Variants in LMNB1 observed in about 807,000 individuals in gnomAD.
LMNB1 encodes the protein lamin B1.
LMNB1 carries 23 observed loss-of-function variants against 67.1 expected under a neutral mutation model. The observed-to-expected ratio is 0.34, with a 90% confidence interval of 0.25 to 0.49. The LOEUF is 0.49. LMNB1 is among the 20% of genes least tolerant of loss of function. The pLI is 0.99. For synonymous variants in LMNB1, 281 were observed against 282.9 expected (o/e 0.99, Z 0.07); for missense variants, 634 against 746.5 (o/e 0.85, Z 1.76).
chr5:126,795,287 G>T (rs1751058809), intron 1 of LMNB1, among the ~76,000 whole-genome samples: 1 of 151,958 alleles, frequency 6.6e-6, no homozygotes, highest in Non-Finnish European at 1.5e-5. Flanking sequence ...ACAGGCACAG[G>T]CCACTACTCC....
intron 5 of LMNB1, among the ~76,000 whole-genome samples, chr5:126,818,046 A>G (rs895997035): frequency 8.5e-5 from 13 of 152,184 alleles, no homozygotes; most frequent in African/African-American, 3.1e-4. Flanking sequence ...TACTTTACAA[A>G]TCACCCTATA....
intron 1 of LMNB1, among the ~76,000 whole-genome samples, chr5:126,795,933 C>CTTTTTTTTTTTTTTTTTTTTTTTTT (rs70997314): frequency 2.4e-5 from 2 of 82,096 alleles, no homozygotes; most frequent in African/African-American, 9.0e-5. Context: ...GCCCAGGATG[C>CTTTTTTTTTTTTTTTTTTTTTTTTT]TTTTTTTTTT....
chr5:126,805,737 T>C, intron 3 of LMNB1, 41 bp downstream of exon 3: 1 of 1,447,040 alleles, frequency 6.9e-7, no homozygotes, highest in Non-Finnish European at 9.4e-7. Flanking sequence ...AATGGAGGGG[T>C]TCTAGAATGA....
intron 1 of LMNB1, among the ~76,000 whole-genome samples, chr5:126,784,517 G>A (rs1436533311): frequency 2.6e-5 from 4 of 150,956 alleles, no homozygotes; most frequent in Admixed American, 6.6e-5. Context: ...CACCACGCCC[G>A]GCTAATTTTT....
chr5:126,812,342 A>C (rs1751598079), intron 5 of LMNB1, among the ~76,000 whole-genome samples: 1 of 152,254 alleles, frequency 6.6e-6, no homozygotes, highest in Admixed American at 6.5e-5. Flanking sequence ...TTTAGTGCTT[A>C]AAGTATATAA....
chr5:126,835,108 G>T (rs1752219942), intron 10 of LMNB1, among the ~76,000 whole-genome samples: 1 of 152,188 alleles, frequency 6.6e-6, no homozygotes, highest in African/African-American at 2.4e-5. Flanking sequence ...TCCAGAGGCA[G>T]TGAGGGAATA....
In LMNB1 at chr5:126,788,569, G is replaced by A. The variant is rs1310360486; in HGVS notation, c.359+10702G>A. The stretch of plus-strand genomic sequence containing the variant: ...GGAGAATCACTTGAACCTGGGAGGC[G>A]GAGGTTGTAGTGGGCGGAGGTTGCA... On this transcript the variant is annotated intron_variant, in intron 1 of 10. Coordinates refer to ENST00000261366, the MANE Select transcript of LMNB1 (RefSeq NM_005573.4). Among the ~76,000 whole-genome samples the A allele has an allele frequency of 2.6e-5, 4 of 152,088 alleles. No individual in the cohort carries two copies. The East Asian group carries it at 5.8e-4, about 22-fold the overall frequency.
intron 1 of LMNB1, among the ~76,000 whole-genome samples, chr5:126,792,466 A>G (rs1750986555): frequency 6.6e-6 from 1 of 151,568 alleles, no homozygotes. Flanking sequence ...TCTTTGCAGA[A>G]GTCTTCATTG....
intron 1 of LMNB1, among the ~76,000 whole-genome samples, chr5:126,782,939 C>G (rs1165877283): frequency 6.6e-6 from 1 of 152,010 alleles, no homozygotes; most frequent in Non-Finnish European, 1.5e-5. Context: ...TGGTGGCTCA[C>G]GCCTGTAATC....
chr5:126,815,201 T>C (rs1267173406), intron 5 of LMNB1: 1 of 152,244 alleles, frequency 6.6e-6, no homozygotes, highest in East Asian at 1.9e-4. Flanking sequence ...AGTTTCATCA[T>C]GCTGCCTATT....
At chr5:126,802,140 G>C (rs868855993) in intron 1 of LMNB1, among the ~76,000 whole-genome samples, 14 of 152,090 alleles carry the variant, frequency 9.2e-5, no homozygotes, top group Non-Finnish European at 1.9e-4. Flanking sequence ...GCCTGCCATC[G>C]TGTGGTGTTT....
At chr5:126,822,011 G>GC (rs1359892425) in intron 7 of LMNB1, among the ~76,000 whole-genome samples, 1 of 107,224 alleles carries the variant, frequency 9.3e-6, no homozygotes, top group African/African-American at 3.5e-5. Context: ...TCTCTTTGTA[G>GC]CCTTTTTTTT....
rs1187296225 is a variant in LMNB1 at position 126,777,870 on chromosome 5, G to T, written c.359+3G>T. ...GAACACGACCAGCTGCTCCTCAAGTGAGTGCTAGCTGGCGGCCGCGTTAGC... is the reference window on the plus strand; with the variant it reads ...GAACACGACCAGCTGCTCCTCAAGTTAGTGCTAGCTGGCGGCCGCGTTAGC... On this transcript the variant is annotated splice_donor_region_variant and intron_variant, in intron 1 of 10. Transcript: ENST00000261366. 7.1e-7 allele frequency: 1 copy of T among 1,409,878 alleles called. No homozygotes were observed. Among genetic ancestry groups the T allele is most frequent in the Admixed American group, 2.9e-5 (1 of 34,182 alleles). The allele number at this position is 1,409,878 out of a possible 1,614,324, so 87.3% of individuals were successfully genotyped here.
At chr5:126,818,891 A>G (rs770677932) in intron 5 of LMNB1, 31 bp from the exon 6 acceptor site, 1 of 1,501,034 alleles carries the variant, frequency 6.7e-7, no homozygotes, top group Non-Finnish European at 9.3e-7. Flanking sequence ...GAATGTTCCT[A>G]GAAAGTAAAT....
At chr5:126,817,136 G>A (rs1236406042) in intron 5 of LMNB1, among the ~76,000 whole-genome samples, 1 of 152,190 alleles carries the variant, frequency 6.6e-6, no homozygotes, top group Non-Finnish European at 1.5e-5. Context: ...TTTATACTTT[G>A]GGTTGTAAGC....
At chr5:126,779,959 G>C (rs540077489) in intron 1 of LMNB1, among the ~76,000 whole-genome samples, 2 of 152,278 alleles carry the variant, frequency 1.3e-5, no homozygotes, top group East Asian at 3.9e-4. Context: ...TTGAACCCAG[G>C]AGGCGGATAT....
At chr5:126,830,865 T>G (rs1309633754) in intron 9 of LMNB1, among the ~76,000 whole-genome samples, 1 of 152,264 alleles carries the variant, frequency 6.6e-6, no homozygotes, top group Non-Finnish European at 1.5e-5. Context: ...TATCTCCTAG[T>G]TGATAGCTTG....
chr5:126,822,930 C>A, intron 8 of LMNB1, 45 bp downstream of exon 8: 1 of 1,273,472 alleles, frequency 7.9e-7, no homozygotes, highest in Non-Finnish European at 1.1e-6. Context: ...ATTGTGTTAA[C>A]TAACAAAGTA....
intron 7 of LMNB1, among the ~76,000 whole-genome samples, chr5:126,821,416 A>G (rs1380014075): frequency 6.6e-6 from 1 of 152,120 alleles, no homozygotes; most frequent in Admixed American, 6.6e-5. Flanking sequence ...GGTTCTGAGG[A>G]TGAGTTATTA....
Sources: gnomAD v4.1 joint callset for allele counts (sites outside exome capture counted in the v4.1 genomes callset) on GRCh38, gnomAD v4.1.1 for gene constraint, MANE v1.5 for transcripts, NCBI Gene and HGNC (gene_info 2026-07-23, HGNC 2026-07-21) for gene names.